Variants in MAP3K1 observed in about 807,000 individuals in gnomAD.
MAP3K1 encodes the protein MAP/ERK kinase kinase 1.
A neutral mutation model predicts 144.2 loss-of-function variants in MAP3K1; 36 were observed. That is an observed-to-expected ratio of 0.25 (90% CI 0.19 to 0.33). The LOEUF (loss-of-function observed/expected upper bound fraction) is 0.33, where lower values mean the gene tolerates loss of function less well. MAP3K1 is among the 10% of genes least tolerant of loss of function. The probability of loss-of-function intolerance (pLI) is 1.00; values close to 1 mark genes in which losing one functional copy is unlikely to be tolerated. For synonymous variants in MAP3K1, 718 were observed against 688.7 expected, an observed-to-expected ratio of 1.04 and a Z score of -0.67; for missense variants, 1,650 against 1,881.9, an observed-to-expected ratio of 0.88 and a Z score of 2.28.
At chr5:56,871,451 G>A (rs970047586) in intron 6 of MAP3K1, among the ~76,000 whole-genome samples, 1 of 152,162 alleles carries the variant, frequency 6.6e-6, no homozygotes, top group Non-Finnish European at 1.5e-5. Flanking sequence ...TTCTGGGAAA[G>A]TTGGATCAGT....
intron 16 of MAP3K1, among the ~76,000 whole-genome samples, chr5:56,885,068 ATTG>A (rs1427440831): frequency 1.3e-5 from 2 of 152,156 alleles, no homozygotes; most frequent in Admixed American, 6.5e-5. Context: ...ATTGTGTAGC[ATTG>A]TTGTTTTTAA....
chr5:56,824,403 C>G (rs948232092), intron 1 of MAP3K1, among the ~76,000 whole-genome samples: 4 of 152,178 alleles, frequency 2.6e-5, no homozygotes, highest in Admixed American at 2.6e-4. Flanking sequence ...ATGTGGTGTT[C>G]CTAACATGCA....
chr5:56,820,619 A>G (rs1746126409), intron 1 of MAP3K1: 1 of 985,036 alleles, frequency 1.0e-6, no homozygotes, highest in Non-Finnish European at 1.2e-6. Flanking sequence ...GTATTAAATC[A>G]TAAGTGAAAG....
chr5:56,851,642 G>A (rs1470164024), intron 1 of MAP3K1, among the ~76,000 whole-genome samples: 1 of 152,182 alleles, frequency 6.6e-6, no homozygotes, highest in Non-Finnish European at 1.5e-5. Context: ...TCTTCCTGCA[G>A]TAACACTATT....
chr5:56,875,694 T>TAAAAC (rs375368171), intron 10 of MAP3K1, among the ~76,000 whole-genome samples: 4,885 of 152,014 alleles, frequency 0.032, 242 homozygotes, highest in African/African-American at 0.11. Context: ...TGCTAAAGCC[T>TAAAAC]AAAACAAAAC....
chr5:56,841,889 T>G (rs1239020790), intron 1 of MAP3K1: 1 of 152,234 alleles, frequency 6.6e-6, no homozygotes, highest in Non-Finnish European at 1.5e-5. Flanking sequence ...TCCGTGAAGC[T>G]TCCCACAGTG....
chr5:56,853,315 ATTAAT>A (rs1260218441), intron 1 of MAP3K1, among the ~76,000 whole-genome samples: 1 of 152,210 alleles, frequency 6.6e-6, no homozygotes, highest in Non-Finnish European at 1.5e-5. Context: ...ATATTTGCAG[ATTAAT>A]TTAGGAACAG....
At chr5:56,816,308 C>G (rs1745965919) in intron 1 of MAP3K1, among the ~76,000 whole-genome samples, 1 of 152,028 alleles carries the variant, frequency 6.6e-6, no homozygotes, top group South Asian at 2.1e-4. Context: ...GGCGTGCGAG[C>G]CTCTCTGCGG....
At chr5:56,830,048 T>G (rs1006165770) in intron 1 of MAP3K1, among the ~76,000 whole-genome samples, 2 of 152,244 alleles carry the variant, frequency 1.3e-5, no homozygotes, top group Non-Finnish European at 2.9e-5. Context: ...TTGCTTTTTC[T>G]TCTCCCTCTT....
intron 1 of MAP3K1, among the ~76,000 whole-genome samples, chr5:56,825,463 T>G (rs1184783001): frequency 6.6e-6 from 1 of 152,198 alleles, no homozygotes; most frequent in Non-Finnish European, 1.5e-5. Context: ...ACATCTTGGC[T>G]TTTGTGACAG....
At chr5:56,859,987 G>GC in intron 3 of MAP3K1, 72 bp downstream of exon 3, 3 of 1,284,814 alleles carry the variant, frequency 2.3e-6, no homozygotes, top group Non-Finnish European at 3.3e-6. Flanking sequence ...GAAAAGACTG[G>GC]CCAGCCATCT....
intron 1 of MAP3K1, among the ~76,000 whole-genome samples, chr5:56,839,766 G>A (rs1443789168): frequency 1.3e-5 from 2 of 152,202 alleles, no homozygotes; most frequent in Non-Finnish European, 2.9e-5. Flanking sequence ...CAGACTGAGA[G>A]AATGTGGGTG....
chr5:56,871,837 A>G, intron 6 of MAP3K1, 73 bp from the exon 7 acceptor site: 1 of 1,409,634 alleles, frequency 7.1e-7, no homozygotes, highest in Non-Finnish European at 1.0e-6. Context: ...AAGCAAGCAG[A>G]AAGTGTTTTT....
At position 56,815,789 on chromosome 5, in the gene MAP3K1, G is replaced by C. The variant is rs1452902451; in HGVS notation, c.216G>C (p.Gln72His). 6 of 1,420,480 alleles carry C rather than the reference G, an allele frequency of 4.2e-6. No homozygotes were observed. The highest frequency in any genetic ancestry group is 5.5e-6 in the Non-Finnish European group (6 of 1,084,098). 88.0% of individuals were successfully genotyped at this position (1,420,480 alleles called of 1,614,324 possible). ...AAGTGCGGAGTGTGGAGCTGGACCA[G>C]CTGCCTGAGCAGCCGCTCTTCCTTG... ...LRKVRSVELD[Q>H]LPEQPLFLAA... Residue 72 changes from glutamine to histidine, a missense_variant, in exon 1 of 20, where the codon CAG becomes CAC. By Grantham distance (24) the Gln-to-His change is conservative. Around this residue, in one of 6 missense-constraint regions of MAP3K1, gnomAD observed 360 missense variants for 274.7 expected, o/e 1.31. Transcript: ENST00000399503.
rs373481385 is a variant in MAP3K1 at position 56,859,756 on chromosome 5, G to T, written c.675G>T (p.Met225Ile). Residue 225 changes from methionine (M) to isoleucine (I), a missense_variant, in exon 3 of 20, where the codon ATG becomes ATT. This residue lies in a region of MAP3K1 where 148 missense variants were observed against 177.2 expected (regional missense o/e 0.84). Transcript: ENST00000399503. Reference protein sequence around the residue: ...PIPVKGDGSEMNHLAAESPGE... With the variant: ...PIPVKGDGSEINHLAAESPGE... ...CAGTTAAAGGAGATGGATCTGAAAT[G>T]AATCACTTAGCAGCTGAGTCTCCAG... 6.8e-6 allele frequency: 11 copies of T among 1,614,080 alleles called. No individual in the cohort carries two copies. Among genetic ancestry groups the T allele is most frequent in the Non-Finnish European group, 9.3e-6 (11 of 1,180,008 alleles).
At chr5:56,827,913 T>G (rs1226117728) in intron 1 of MAP3K1, among the ~76,000 whole-genome samples, 2 of 152,064 alleles carry the variant, frequency 1.3e-5, no homozygotes, top group East Asian at 3.9e-4. Context: ...GTTAGCTACT[T>G]GGACCCCAGG....
At chr5:56,858,699 G>A (rs929510259) in intron 2 of MAP3K1, among the ~76,000 whole-genome samples, 1 of 152,176 alleles carries the variant, frequency 6.6e-6, no homozygotes, top group Non-Finnish European at 1.5e-5. Flanking sequence ...GTGACTAGGT[G>A]CCAAATGTGT....
At chr5:56,831,159 C>G (rs1746478032) in intron 1 of MAP3K1, among the ~76,000 whole-genome samples, 1 of 149,488 alleles carries the variant, frequency 6.7e-6, no homozygotes, top group African/African-American at 2.5e-5. Flanking sequence ...TTTTTTTAAC[C>G]CGTGAAAATG....
intron 15 of MAP3K1, among the ~76,000 whole-genome samples, chr5:56,884,080 T>C (rs1748305541): frequency 6.6e-6 from 1 of 151,696 alleles, no homozygotes; most frequent in African/African-American, 2.4e-5. Context: ...ACTCAGGAGG[T>C]AGAGGTTGCA....
Sources: gnomAD v4.1 joint callset for allele counts (sites outside exome capture counted in the v4.1 genomes callset) on GRCh38, gnomAD v4.1.1 for gene constraint, gnomAD v4.1.1 regional missense constraint, MANE v1.5 for transcripts, NCBI Gene and HGNC (gene_info 2026-07-23, HGNC 2026-07-21) for gene names.